The following NADSYN1 variants were observed in gnomAD, a reference collection of about 807,000 sequenced individuals.
NADSYN1 encodes the protein NAD synthetase 1.
In NADSYN1, 80 loss-of-function variants were observed where a neutral mutation model predicts 99.3. The ratio of observed to expected loss-of-function variants is 0.81; its 90% confidence interval spans 0.67 to 0.97. The LOEUF (loss-of-function observed/expected upper bound fraction) is 0.97, where lower values mean the gene tolerates loss of function less well. NADSYN1 is among the 50% of genes least tolerant of loss of function. The pLI, the probability that NADSYN1 is intolerant of heterozygous loss-of-function variation, is 0.00. For synonymous variants in NADSYN1, 385 were observed against 372.1 expected (o/e 1.03, Z -0.40); for missense variants, 859 against 948.5 (o/e 0.91, Z 1.24).
At chr11:71,463,115 G>C (rs764911891) in intron 3 of NADSYN1, among the ~76,000 whole-genome samples, 7 of 152,328 alleles carry the variant, frequency 4.6e-5, no homozygotes, top group Non-Finnish European at 1.0e-4. Flanking sequence ...AATTTGGAAG[G>C]GGAAGGGGAG....
chr11:71,453,951 A>G (rs1033394924), intron 1 of NADSYN1, among the ~76,000 whole-genome samples: 8 of 152,194 alleles, frequency 5.3e-5, no homozygotes, highest in African/African-American at 7.2e-5. Context: ...CTAAAAATAC[A>G]AAAATCAGCC....
At chr11:71,463,506 C>G (rs946732247) in intron 4 of NADSYN1, 21 bp downstream of exon 4, 6 of 1,610,922 alleles carry the variant, frequency 3.7e-6, no homozygotes, top group Non-Finnish European at 5.1e-6. Context: ...TGCCCCCACC[C>G]CGGGAGGGTG....
intron 2 of NADSYN1, among the ~76,000 whole-genome samples, chr11:71,457,539 A>C (rs1028885220): frequency 6.6e-6 from 1 of 152,246 alleles, no homozygotes; most frequent in Non-Finnish European, 1.5e-5. Flanking sequence ...TTATTGAATT[A>C]ATTCCTGTGG....
intron 5 of NADSYN1, among the ~76,000 whole-genome samples, chr11:71,466,920 C>T (rs1456302615): frequency 6.6e-6 from 1 of 152,152 alleles, no homozygotes; most frequent in African/African-American, 2.4e-5. Context: ...CCAAGGGTTT[C>T]CTACGCCTGG....
chr11:71,458,330 G>T, intron 2 of NADSYN1, 98 bp from the exon 3 acceptor site: 1 of 857,122 alleles, frequency 1.2e-6, no homozygotes. Context: ...CCTGAGCCCC[G>T]GCCCCCAGAC....
intron 10 of NADSYN1, chr11:71,478,725 ACAGT>A: frequency 2.2e-6 from 1 of 456,028 alleles, no homozygotes; most frequent in Non-Finnish European, 4.1e-6. Context: ...GGCTGACGAG[ACAGT>A]CAGCGTGCTA....
At chr11:71,494,743 C>T (rs551695034) in intron 18 of NADSYN1, among the ~76,000 whole-genome samples, 21 of 152,130 alleles carry the variant, frequency 1.4e-4, no homozygotes, top group Non-Finnish European at 2.6e-4. Context: ...TTAGTAGAGA[C>T]GGGGTTTTTC....
intron 19 of NADSYN1, 148 bp from the exon 20 acceptor site, chr11:71,498,204 A>G (rs1949833350): frequency 3.4e-6 from 3 of 875,568 alleles, no homozygotes; most frequent in Admixed American, 2.9e-5. Flanking sequence ...CGGCCTGAGC[A>G]CGGGCATCCC....
intron 20 of NADSYN1, 70 bp from the exon 21 acceptor site, chr11:71,501,232 C>A: frequency 7.3e-7 from 1 of 1,368,918 alleles, no homozygotes; most frequent in Non-Finnish European, 9.7e-7. Flanking sequence ...GCTTTTGGTG[C>A]GTGCCAGTGT....
rs1423194347 is a variant in NADSYN1, at chr11:71,472,516, T to G, written c.459+16T>G. 2.5e-6 allele frequency: 4 copies of G among 1,610,832 alleles called. No homozygotes were observed. Among genetic ancestry groups the G allele is most frequent in the Non-Finnish European group, 3.4e-6 (4 of 1,177,014 alleles). On this transcript the variant is annotated intron_variant, in intron 6 of 20. Transcript: ENST00000319023. ...GACAAAGCAGGTGAGTCCCTGGGTG[T>G]GGAGCCCGTTTTTCAGTCGGTTGTC...
Position 71,473,636 on chromosome 11 carries a change from C to T in NADSYN1, c.616C>T (p.Leu206=). 1 of 1,613,258 alleles carries T rather than the reference C, an allele frequency of 6.2e-7. No homozygotes were observed. Among genetic ancestry groups the T allele is most frequent in the Non-Finnish European group, 8.5e-7 (1 of 1,179,908 alleles). The part of the protein sequence containing the change: ...ITNASGSHQV[L]RKANTRVDLV... Reference sequence around the variant, plus strand: ...CAACGCCTCGGGCAGCCACCAAGTGCTGCGCAAAGCCAACACCAGGGTGGA... The same window carrying T: ...CAACGCCTCGGGCAGCCACCAAGTGTTGCGCAAAGCCAACACCAGGGTGGA... The change falls in exon 8 of 21, where the codon CTG becomes TTG. Residue 206 remains leucine (L), a synonymous_variant. Transcript: ENST00000319023.
At chr11:71,493,050 G>A (rs978082622) in intron 18 of NADSYN1, among the ~76,000 whole-genome samples, 4 of 151,974 alleles carry the variant, frequency 2.6e-5, no homozygotes, top group African/African-American at 9.7e-5. Flanking sequence ...ACCATGTCTC[G>A]CTAAGTTTTT....
At chr11:71,474,337 G>A (rs1456366871) in intron 8 of NADSYN1, 58 bp from the exon 9 acceptor site, 1 of 1,608,068 alleles carries the variant, frequency 6.2e-7, no homozygotes, top group Admixed American at 1.7e-5. Context: ...TTGGGCAGGT[G>A]GCAGGTGAGG....
At chr11:71,491,691 C>T (rs529685603) in intron 17 of NADSYN1, 143 bp from the exon 18 acceptor site, 30 of 719,478 alleles carry the variant, frequency 4.2e-5, no homozygotes, top group East Asian at 3.3e-4. Flanking sequence ...AGCCCAGCAC[C>T]GCAAGCCTTG....
chr11:71,474,269 T>C, intron 8 of NADSYN1, 126 bp from the exon 9 acceptor site: 1 of 1,258,092 alleles, frequency 7.9e-7, no homozygotes, highest in South Asian at 1.4e-5. Context: ...ATGCGTTATC[T>C]CTGCGGTGGT....
chr11:71,471,407 A>T (rs1949625938), intron 5 of NADSYN1, among the ~76,000 whole-genome samples: 1 of 152,206 alleles, frequency 6.6e-6, no homozygotes, highest in Non-Finnish European at 1.5e-5. Context: ...TCCTCTTAGG[A>T]AAACATAACT....
At chr11:71,500,548 T>C (rs1456648756) in intron 20 of NADSYN1, among the ~76,000 whole-genome samples, 1 of 150,798 alleles carries the variant, frequency 6.6e-6, no homozygotes, top group Non-Finnish European at 1.5e-5. Flanking sequence ...AGAGAATTCT[T>C]TGTTCCACGT....
intron 2 of NADSYN1, among the ~76,000 whole-genome samples, chr11:71,457,158 G>T (rs1307643051): frequency 6.6e-6 from 1 of 152,270 alleles, no homozygotes; most frequent in Non-Finnish European, 1.5e-5. Context: ...TCACATGTGG[G>T]CCAGGACGCC....
intron 10 of NADSYN1, 95 bp downstream of exon 10, chr11:71,478,564 G>A: frequency 1.7e-6 from 2 of 1,163,922 alleles, no homozygotes; most frequent in Non-Finnish European, 2.5e-6. Flanking sequence ...TGAGGGTGCA[G>A]TGCCTGAAAA....
Sources: allele counts gnomAD v4.1 joint callset (sites outside exome capture counted in the v4.1 genomes callset), GRCh38; gene constraint gnomAD v4.1.1; transcripts MANE v1.5; gene names NCBI Gene and HGNC (gene_info 2026-07-23, HGNC 2026-07-21).